SPAG16: variants seen among roughly 807,000 people sequenced by gnomAD.
SPAG16 encodes sperm-associated antigen 16 protein.
Under a neutral mutation model 80.4 loss-of-function variants are expected in SPAG16, and 86 were observed. That is an observed-to-expected ratio of 1.07 (90% CI 0.90 to 1.28). The LOEUF is 1.28. Among genes scored for constraint, SPAG16 ranks in the 50% most tolerant of loss-of-function variants. SPAG16 has a pLI of 0.00. For synonymous variants in SPAG16, 294 were observed against 265.9 expected (o/e 1.11, Z -1.03); for missense variants, 870 against 765.3 (o/e 1.14, Z -1.61).
intron 10 of SPAG16, among the ~76,000 whole-genome samples, chr2:213,725,549 G>A (rs190004624): frequency 6.6e-6 from 1 of 152,268 alleles, no homozygotes; most frequent in East Asian, 1.9e-4. Context: ...CCAAGATGGG[G>A]CTGATTGAGA....
At chr2:214,124,210 C>T (rs759787363) in intron 14 of SPAG16, among the ~76,000 whole-genome samples, 38 of 151,756 alleles carry the variant, frequency 2.5e-4, no homozygotes, top group Non-Finnish European at 1.8e-4. Context: ...ACTTTGCAGA[C>T]TCCCCATGAT....
chr2:213,825,650 A>C (rs920330330), intron 10 of SPAG16, among the ~76,000 whole-genome samples: 4 of 147,144 alleles, frequency 2.7e-5, no homozygotes, highest in African/African-American at 1.0e-4. Context: ...GGATTTTTGC[A>C]TCAGTGTTCA....
chr2:214,033,732 T>G (rs2125060600), intron 13 of SPAG16, among the ~76,000 whole-genome samples: 1 of 152,330 alleles, frequency 6.6e-6, no homozygotes, highest in Non-Finnish European at 1.5e-5. Context: ...GAAATAGACT[T>G]ATATTTCTCC....
chr2:213,658,235 G>A (rs2063292339), intron 10 of SPAG16, among the ~76,000 whole-genome samples: 1 of 151,874 alleles, frequency 6.6e-6, no homozygotes, highest in Admixed American at 6.6e-5. Flanking sequence ...TCACTGGCTG[G>A]TGTGCTCCAC....
intron 9 of SPAG16, among the ~76,000 whole-genome samples, chr2:213,443,197 G>A (rs2071089237): frequency 6.6e-6 from 1 of 151,960 alleles, no homozygotes; most frequent in African/African-American, 2.4e-5. Flanking sequence ...TACTTTCTTA[G>A]CAAATTTTTA....
At chr2:213,535,282 A>G (rs2125897556) in intron 10 of SPAG16, among the ~76,000 whole-genome samples, 1 of 152,270 alleles carries the variant, frequency 6.6e-6, no homozygotes, top group East Asian at 1.9e-4. Flanking sequence ...GGAAATAACA[A>G]TGATGATAGA....
intron 10 of SPAG16, among the ~76,000 whole-genome samples, chr2:213,630,076 T>C (rs1432033176): frequency 6.6e-6 from 1 of 152,210 alleles, no homozygotes; most frequent in East Asian, 1.9e-4. Context: ...AAATTCCCTC[T>C]ATTTTGGCAA....
At chr2:214,299,848 A>G (rs995862741) in intron 15 of SPAG16, among the ~76,000 whole-genome samples, 2 of 152,208 alleles carry the variant, frequency 1.3e-5, no homozygotes, top group Admixed American at 6.5e-5. Flanking sequence ...TTTTTGAAGT[A>G]TCAGAATAAC....
At chr2:213,829,837 C>T (rs374223238) in intron 10 of SPAG16, among the ~76,000 whole-genome samples, 1 of 152,036 alleles carries the variant, frequency 6.6e-6, no homozygotes, top group Non-Finnish European at 1.5e-5. Flanking sequence ...ATGACTTTAC[C>T]CAGTGCATTA....
intron 9 of SPAG16, among the ~76,000 whole-genome samples, chr2:213,487,776 G>C (rs557880321): frequency 1.3e-5 from 2 of 152,060 alleles, no homozygotes; most frequent in Non-Finnish European, 2.9e-5. Flanking sequence ...TTTTCATGAA[G>C]TTCAAACAAC....
chr2:213,908,647 T>G (rs1056864238), intron 11 of SPAG16, among the ~76,000 whole-genome samples: 3 of 152,156 alleles, frequency 2.0e-5, no homozygotes, highest in Non-Finnish European at 4.4e-5. Flanking sequence ...TCTTGGTTGA[T>G]TCTAGATTGC....
intron 10 of SPAG16, among the ~76,000 whole-genome samples, chr2:213,607,059 T>G (rs2125001071): frequency 6.6e-6 from 1 of 152,288 alleles, no homozygotes; most frequent in Non-Finnish European, 1.5e-5. Context: ...ATGATATGTT[T>G]GGTAGATGAA....
intron 15 of SPAG16, among the ~76,000 whole-genome samples, chr2:214,380,400 A>G (rs564560521): frequency 6.6e-6 from 1 of 152,358 alleles, no homozygotes; most frequent in East Asian, 1.9e-4. Flanking sequence ...TACTGAAATT[A>G]CATTTTATGT....
At chr2:213,674,928 TTTCTAG>T (rs1339981216) in intron 10 of SPAG16, among the ~76,000 whole-genome samples, 1 of 149,914 alleles carries the variant, frequency 6.7e-6, no homozygotes, top group African/African-American at 2.5e-5. Context: ...TCAAATGGTA[TTTCTAG>T]TTCTAGATCC....
chr2:213,441,839 A>G (rs1244539916), intron 9 of SPAG16, among the ~76,000 whole-genome samples: 1 of 152,218 alleles, frequency 6.6e-6, no homozygotes, highest in African/African-American at 2.4e-5. Context: ...CCAGCAGTGA[A>G]CAAGTGGAAT....
chr2:213,340,166 A>C lies in SPAG16; in HGVS notation c.540A>C (p.Lys180Asn), dbSNP rs1383634764. The change falls in exon 6 of 16, where the codon AAA (lysine) becomes AAC (asparagine). Residue 180 changes from lysine (K) to asparagine (N), a missense_variant. Coordinates refer to ENST00000331683, the MANE Select transcript of SPAG16 (RefSeq NM_024532.5). ...DLKHYKQAAD[K>N]AREDLLKIQK... ...AAAGTTACTATTTTTTTTTCAGCAAAGCTAGAGAAGATTTGCTGAAAATTC... is the reference window on the plus strand; with the variant it reads ...AAAGTTACTATTTTTTTTTCAGCAACGCTAGAGAAGATTTGCTGAAAATTC... The C allele has an allele frequency of 1.2e-6, 2 of 1,602,670 alleles. No individual in the cohort carries two copies. Among genetic ancestry groups the C allele is most frequent in the East Asian group, 4.5e-5 (2 of 44,672 alleles).
At chr2:213,744,780 T>C (rs1265166410) in intron 10 of SPAG16, among the ~76,000 whole-genome samples, 2 of 152,166 alleles carry the variant, frequency 1.3e-5, no homozygotes, top group African/African-American at 4.8e-5. Flanking sequence ...ACTGGATACA[T>C]AGTTTGGCAT....
chr2:213,913,616 T>TGTATATGTACATGTACATATAC (rs2077798936), intron 11 of SPAG16, among the ~76,000 whole-genome samples: 5 of 13,276 alleles, frequency 3.8e-4, no homozygotes, highest in African/African-American at 6.3e-4. Flanking sequence ...TGTACATATA[T>TGTATATGTACATGTACATATAC]GTATATGTAC....
At chr2:213,773,526 C>A (rs770165329) in intron 10 of SPAG16, among the ~76,000 whole-genome samples, 23 of 152,056 alleles carry the variant, frequency 1.5e-4, no homozygotes, top group South Asian at 4.1e-4. Flanking sequence ...AATGGTGTTT[C>A]TTTTTGTTTT....
Sources: allele counts gnomAD v4.1 joint callset (sites outside exome capture counted in the v4.1 genomes callset), GRCh38; gene constraint gnomAD v4.1.1; transcripts MANE v1.5; gene names NCBI Gene and HGNC (gene_info 2026-07-23, HGNC 2026-07-21).